LYST: variants seen among roughly 807,000 people sequenced by gnomAD.
The protein encoded by LYST is lysosomal trafficking regulator.
Under a neutral mutation model 413.6 loss-of-function variants are expected in LYST, and 192 were observed. The ratio of observed to expected loss-of-function variants is 0.46; its 90% CI spans 0.41 to 0.52. The LOEUF (loss-of-function observed/expected upper bound fraction) is 0.52, where lower values mean the gene tolerates loss of function less well. LYST is among the 20% of genes least tolerant of loss of function. The probability of loss-of-function intolerance (pLI) is 0.00; values close to 1 mark genes in which losing one functional copy is unlikely to be tolerated. For synonymous variants in LYST, 1,525 were observed against 1,567.3 expected (o/e 0.97, Z 0.64); for missense variants, 3,815 against 4,499.9 (o/e 0.85, Z 4.35).
At chr1:235,754,235 T>TTTC (rs1666781651) in intron 25 of LYST, among the ~76,000 whole-genome samples, 1 of 143,788 alleles carries the variant, frequency 7.0e-6, no homozygotes, top group African/African-American at 2.6e-5. Context: ...TTTTCTTTTT[T>TTTC]TTTTTTTTTT....
At chr1:235,729,778 TGAG>T (rs1664203678) in intron 36 of LYST, 121 bp from the exon 37 acceptor site, 2 of 719,538 alleles carry the variant, frequency 2.8e-6, no homozygotes, top group African/African-American at 3.5e-5. Context: ...TCCAATAGCA[TGAG>T]GTATCTTGTC....
chr1:235,669,534 A>G (rs1658757908), intron 50 of LYST, among the ~76,000 whole-genome samples: 1 of 152,160 alleles, frequency 6.6e-6, no homozygotes, highest in Non-Finnish European at 1.5e-5. Context: ...TGGTTGCAAA[A>G]AGCAATCAGA....
intron 17 of LYST, among the ~76,000 whole-genome samples, chr1:235,776,569 G>C (rs1669263001): frequency 6.6e-6 from 1 of 152,068 alleles, no homozygotes; most frequent in African/African-American, 2.4e-5. Flanking sequence ...TATAATTACT[G>C]ACTGTCTACT....
chr1:235,794,497 A>C (rs1671351624), intron 10 of LYST, among the ~76,000 whole-genome samples: 1 of 152,200 alleles, frequency 6.6e-6, no homozygotes, highest in Non-Finnish European at 1.5e-5. Flanking sequence ...TGTTCAAAGT[A>C]TTTTTACATG....
At chr1:235,874,930 C>T (rs1037324601) in intron 1 of LYST, among the ~76,000 whole-genome samples, 2 of 152,182 alleles carry the variant, frequency 1.3e-5, no homozygotes, top group African/African-American at 4.8e-5. Flanking sequence ...AAGGGTGTTC[C>T]AAGCCCAGGC....
chr1:235,825,377 T>C (rs576724747), intron 3 of LYST, among the ~76,000 whole-genome samples: 2 of 152,210 alleles, frequency 1.3e-5, no homozygotes, highest in East Asian at 1.9e-4. Flanking sequence ...ATAAAAGGCA[T>C]ACAAATTGGG....
At chr1:235,755,163 G>A (rs1475611502) in intron 25 of LYST, among the ~76,000 whole-genome samples, 1 of 149,778 alleles carries the variant, frequency 6.7e-6, no homozygotes, top group East Asian at 1.9e-4. Context: ...GCCAAGGCAG[G>A]CAGATCACGA....
intron 1 of LYST, among the ~76,000 whole-genome samples, chr1:235,850,630 C>A (rs773246170): frequency 3.8e-4 from 58 of 152,162 alleles, no homozygotes; most frequent in Admixed American, 4.6e-4. Flanking sequence ...ATCTATACAT[C>A]TGACAAAGGA....
chr1:235,670,828 A>G (rs1658879399), intron 50 of LYST, among the ~76,000 whole-genome samples: 1 of 152,152 alleles, frequency 6.6e-6, no homozygotes, highest in Admixed American at 6.5e-5. Flanking sequence ...GGTGCAAGAA[A>G]TCTCTAGTAA....
intron 42 of LYST, chr1:235,712,884 C>A (rs1329495580): frequency 2.3e-5 from 23 of 985,218 alleles, no homozygotes; most frequent in Non-Finnish European, 2.8e-5. Flanking sequence ...AATGATCAGA[C>A]TTTCTAGCCA....
rs928840637 is a variant in LYST at position 235,830,406 on chromosome 1, G to C, written c.12C>G (p.Asp4Glu). Residue 4 changes from aspartate to glutamate, a missense_variant, in exon 3 of 53, where the codon GAC becomes GAG. Asp to Glu is a conservative substitution (Grantham distance 45, BLOSUM62 2). This residue lies in a region of LYST where 1,648 missense variants were observed against 1,810.3 expected (regional missense o/e 0.91). Coordinates refer to ENST00000389793, the MANE Select transcript of LYST (RefSeq NM_000081.4). The stretch of plus-strand genomic sequence containing the variant: ...GAAATTCACGTGCCAGTGAGTTACT[G>C]TCGGTGCTCATGACCGAGCTATAAA... MST[D>E]SNSLAREFLT... 9.3e-6 allele frequency: 15 copies of C among 1,612,814 alleles called. No individual in the cohort carries two copies. Among genetic ancestry groups the C allele is most frequent in the Non-Finnish European group, 1.3e-5 (15 of 1,179,232 alleles).
intron 50 of LYST, 34 bp downstream of exon 50, chr1:235,677,057 G>A: frequency 6.6e-7 from 1 of 1,506,740 alleles, no homozygotes; most frequent in South Asian, 1.1e-5. Flanking sequence ...TAGAGCACCA[G>A]CCAGCCCTGT....
chr1:235,866,228 C>A (rs1680489844), intron 1 of LYST, among the ~76,000 whole-genome samples: 1 of 152,134 alleles, frequency 6.6e-6, no homozygotes, highest in African/African-American at 2.4e-5. Context: ...CGGAGACAGA[C>A]GGCAGATGTC....
At chr1:235,741,348 T>C in intron 31 of LYST, 74 bp downstream of exon 31, 1 of 1,241,970 alleles carries the variant, frequency 8.1e-7, no homozygotes, top group East Asian at 2.3e-5. Flanking sequence ...TCAGTTTAAT[T>C]TCAGTTCTTG....
chr1:235,777,356 C>T (rs767480763), intron 16 of LYST, 48 bp from the exon 17 acceptor site: 2 of 1,550,592 alleles, frequency 1.3e-6, no homozygotes, highest in African/African-American at 2.7e-5. Flanking sequence ...GTTTAAAATG[C>T]AAGCTATGAA....
chr1:235,820,526 C>T (rs574080334), intron 3 of LYST, among the ~76,000 whole-genome samples: 1 of 151,996 alleles, frequency 6.6e-6, no homozygotes, highest in East Asian at 1.9e-4. Context: ...CGTGCCACCA[C>T]ACCTGGTTGA....
At position 235,710,439 on chromosome 1, in the gene LYST, G is replaced by T. The variant is rs558962288; in HGVS notation, c.9926-1131C>A. The stretch of plus-strand genomic sequence containing the variant: ...CATCTGGGAATGGGCTGGGGATGGG[G>T]TGCATAAGGGCATTTGTACAAACTC... On this transcript the variant is annotated intron_variant, in intron 43 of 52. Coordinates refer to ENST00000389793, the MANE Select transcript of LYST (RefSeq NM_000081.4). 6.4e-4 allele frequency among the ~76,000 whole-genome samples: 98 copies of T among 152,212 alleles called. 1 individual carries two copies. The highest frequency in any genetic ancestry group is 2.4e-3 in the African/African-American group (98 of 41,522).
intron 30 of LYST, among the ~76,000 whole-genome samples, chr1:235,743,450 C>T (rs930579294): frequency 6.6e-6 from 1 of 152,094 alleles, no homozygotes; most frequent in African/African-American, 2.4e-5. Flanking sequence ...TTGGCTTTTG[C>T]TATCTATAGA....
intron 29 of LYST, among the ~76,000 whole-genome samples, chr1:235,745,175 A>C (rs1191848941): frequency 6.6e-6 from 1 of 152,180 alleles, no homozygotes; most frequent in Non-Finnish European, 1.5e-5. Flanking sequence ...AATCACCATA[A>C]TCAAGCTAGT....
Sources: gnomAD v4.1 joint callset for allele counts (sites outside exome capture counted in the v4.1 genomes callset) on GRCh38, gnomAD v4.1.1 for gene constraint, gnomAD v4.1.1 regional missense constraint, MANE v1.5 for transcripts, NCBI Gene and HGNC (gene_info 2026-07-23, HGNC 2026-07-21) for gene names.